FBXL17: variants seen among roughly 807,000 people sequenced by gnomAD.
FBXL17 encodes the protein F-box/LRR-repeat protein 17.
In FBXL17, 22 loss-of-function variants were observed where a neutral mutation model predicts 66.2. That is an observed-to-expected ratio of 0.33 (90% CI 0.24 to 0.47). The LOEUF (loss-of-function observed/expected upper bound fraction) is 0.47, where lower values mean the gene tolerates loss of function less well. Ranked by LOEUF, FBXL17 falls within the 20% of genes least tolerant of loss-of-function variation. The probability of loss-of-function intolerance (pLI) is 1.00; values close to 1 mark genes in which losing one functional copy is unlikely to be tolerated. For missense variants in FBXL17, 878 were observed against 948.2 expected (o/e 0.93, Z 0.97); for synonymous variants, 474 against 400.5 (o/e 1.18, Z -2.19).
chr5:108,314,701 T>C (rs1266381841), intron 4 of FBXL17, among the ~76,000 whole-genome samples: 1 of 151,554 alleles, frequency 6.6e-6, no homozygotes, highest in Non-Finnish European at 1.5e-5. Context: ...AGAGTGATGA[T>C]GAATTTATTT....
chr5:108,209,117 G>A (rs554616343), intron 5 of FBXL17, among the ~76,000 whole-genome samples: 13 of 152,134 alleles, frequency 8.5e-5, no homozygotes, highest in Non-Finnish European at 1.5e-4. Flanking sequence ...CTGTTAGTCT[G>A]TTATTGGTGT....
intron 7 of FBXL17, among the ~76,000 whole-genome samples, chr5:107,966,537 C>G (rs1752148144): frequency 6.6e-6 from 1 of 152,160 alleles, no homozygotes; most frequent in Admixed American, 6.6e-5. Context: ...CCCACACCTT[C>G]ACTACCTGGC....
Position 108,186,789 on chromosome 5 carries a change from AG to A in FBXL17, c.1615-543del, listed in dbSNP as rs1458948641. On this transcript the variant is annotated intron_variant, in intron 5 of 8. Coordinates refer to ENST00000542267, the MANE Select transcript of FBXL17 (RefSeq NM_001163315.3). ...TATCAAAAAAAGAAAAAAAAAAAAA[AG>A]AAAGTAGATTTTACTTAAGTATCCT... Among the ~76,000 whole-genome samples, 18 of 151,952 alleles carry A rather than the reference AG, an allele frequency of 1.2e-4. No individual in the cohort carries two copies. In the Middle Eastern group the frequency reaches 0.01, roughly 86 times the overall value.
intron 6 of FBXL17, among the ~76,000 whole-genome samples, chr5:108,091,773 T>C (rs1279469926): frequency 6.6e-6 from 1 of 152,200 alleles, no homozygotes; most frequent in African/African-American, 2.4e-5. Context: ...TTTAACTTAA[T>C]TTGTGAATTC....
At chr5:108,101,641 T>C (rs185853525) in intron 6 of FBXL17, among the ~76,000 whole-genome samples, 70 of 152,286 alleles carry the variant, frequency 4.6e-4, no homozygotes, top group Non-Finnish European at 7.9e-4. Flanking sequence ...GAGGAGAAAA[T>C]GTTTATAATT....
At chr5:108,146,424 AAC>A (rs1200854551) in intron 6 of FBXL17, among the ~76,000 whole-genome samples, 4 of 152,120 alleles carry the variant, frequency 2.6e-5, no homozygotes, top group African/African-American at 7.2e-5. Context: ...AGGATATACT[AAC>A]AGGGGTTTCA....
chr5:107,941,117 GAA>G (rs11304102), intron 7 of FBXL17, among the ~76,000 whole-genome samples: 218 of 149,292 alleles, frequency 1.5e-3, no homozygotes, highest in African/African-American at 4.5e-3. Flanking sequence ...TAAATCAAGT[GAA>G]AAAAAAAAAA....
At chr5:108,238,856 G>T (rs1420355792) in intron 4 of FBXL17, among the ~76,000 whole-genome samples, 2 of 152,022 alleles carry the variant, frequency 1.3e-5, no homozygotes, top group African/African-American at 2.4e-5. Flanking sequence ...TGTGGTTAAC[G>T]TGGAAAGCAG....
At chr5:108,036,106 A>G (rs1334454604) in intron 6 of FBXL17, among the ~76,000 whole-genome samples, 1 of 152,028 alleles carries the variant, frequency 6.6e-6, no homozygotes. Context: ...GCACCAGTCT[A>G]TTTTCCTGTT....
At chr5:108,156,935 T>C (rs918488790) in intron 6 of FBXL17, among the ~76,000 whole-genome samples, 4 of 152,042 alleles carry the variant, frequency 2.6e-5, no homozygotes, top group Non-Finnish European at 5.9e-5. Context: ...ATTAGTTATA[T>C]GAAGGACTAA....
At chr5:108,036,733 C>CA (rs1746856252) in intron 6 of FBXL17, among the ~76,000 whole-genome samples, 1 of 152,158 alleles carries the variant, frequency 6.6e-6, no homozygotes, top group Non-Finnish European at 1.5e-5. Flanking sequence ...CAGCAGGACT[C>CA]ACGCTTATCT....
chr5:107,872,135 C>A (rs116605127), intron 8 of FBXL17, among the ~76,000 whole-genome samples: 1 of 152,102 alleles, frequency 6.6e-6, no homozygotes. Flanking sequence ...TCGGTAAATC[C>A]GTAGATTCAA....
intron 4 of FBXL17, among the ~76,000 whole-genome samples, chr5:108,293,137 C>CAGTATTCCT (rs1758191429): frequency 6.7e-6 from 1 of 148,240 alleles, no homozygotes. Context: ...TGAATAGAAA[C>CAGTATTCCT]AGTATTCCTA....
At chr5:108,088,129 G>A (rs1749040798) in intron 6 of FBXL17, among the ~76,000 whole-genome samples, 1 of 152,056 alleles carries the variant, frequency 6.6e-6, no homozygotes, top group African/African-American at 2.4e-5. Context: ...TTAATTAACT[G>A]CCATTATAAA....
At chr5:107,983,201 T>C (rs947741850) in intron 7 of FBXL17, among the ~76,000 whole-genome samples, 3 of 152,152 alleles carry the variant, frequency 2.0e-5, no homozygotes, top group Non-Finnish European at 4.4e-5. Context: ...AGTGTCTGAG[T>C]TGCATGCTGT....
chr5:108,337,708 T>TAAAAAAAAAA (rs70996991), intron 4 of FBXL17, among the ~76,000 whole-genome samples: 4 of 142,312 alleles, frequency 2.8e-5, no homozygotes, highest in African/African-American at 2.6e-5. Context: ...GTACAAAAAG[T>TAAAAAAAAAA]AAAAAAAAAA....
At chr5:108,029,883 C>T (rs1213242312) in intron 6 of FBXL17, among the ~76,000 whole-genome samples, 1 of 151,948 alleles carries the variant, frequency 6.6e-6, no homozygotes, top group Non-Finnish European at 1.5e-5. Context: ...GCTATTGAAT[C>T]TTACGTAGCT....
At chr5:108,360,790 TTCTC>T (rs1748295079) in intron 3 of FBXL17, among the ~76,000 whole-genome samples, 1 of 152,110 alleles carries the variant, frequency 6.6e-6, no homozygotes, top group Non-Finnish European at 1.5e-5. Flanking sequence ...TCTTTTTTCT[TTCTC>T]TTTCTTAGAC....
intron 6 of FBXL17, among the ~76,000 whole-genome samples, chr5:108,067,892 C>T (rs542815987): frequency 6.6e-6 from 1 of 152,282 alleles, no homozygotes; most frequent in East Asian, 1.9e-4. Context: ...AAGTTACAGG[C>T]TAAGCACATC....
Sources: gnomAD v4.1 joint callset for allele counts (sites outside exome capture counted in the v4.1 genomes callset) on GRCh38, gnomAD v4.1.1 for gene constraint, MANE v1.5 for transcripts, NCBI Gene and HGNC (gene_info 2026-07-23, HGNC 2026-07-21) for gene names.